The following MARCHF1 variants were observed in gnomAD, a reference collection of about 807,000 sequenced individuals.
MARCHF1 encodes the protein membrane associated ring-CH-type finger 1.
MARCHF1 carries 40 observed loss-of-function variants against 54.2 expected under a neutral mutation model. That is an observed-to-expected ratio of 0.74 (90% CI 0.57 to 0.96). The LOEUF is 0.96. Ranked by LOEUF, MARCHF1 falls within the 40% of genes least tolerant of loss-of-function variation. The pLI is 0.00. For missense variants in MARCHF1, 586 were observed against 656.5 expected (o/e 0.89, Z 1.17); for synonymous variants, 236 against 236.3 (o/e 1.00, Z 0.01).
intron 4 of MARCHF1, among the ~76,000 whole-genome samples, chr4:163,728,429 A>G (rs565352578): frequency 9.5e-4 from 144 of 152,304 alleles, no homozygotes; most frequent in Non-Finnish European, 1.6e-3. Flanking sequence ...GTTTTCTCAT[A>G]ATGAACATGG....
intron 1 of MARCHF1, among the ~76,000 whole-genome samples, chr4:164,273,056 T>A (rs1280616854): frequency 6.8e-6 from 1 of 147,988 alleles, no homozygotes; most frequent in African/African-American, 2.5e-5. Flanking sequence ...GTAAGATAAT[T>A]TTTTTTTTTT....
chr4:163,679,847 G>A (rs1467216864), intron 5 of MARCHF1, among the ~76,000 whole-genome samples: 9 of 151,914 alleles, frequency 5.9e-5, no homozygotes, highest in African/African-American at 9.7e-5. Flanking sequence ...TGATCCGCCC[G>A]CCTCGGCCTC....
At chr4:164,096,570 T>TA (rs70948698) in intron 2 of MARCHF1, among the ~76,000 whole-genome samples, 64 of 150,756 alleles carry the variant, frequency 4.2e-4, no homozygotes, top group African/African-American at 9.0e-4. Flanking sequence ...TATCTAAAAT[T>TA]AAAAAAAAAA....
chr4:164,238,649 T>C, intron 1 of MARCHF1, among the ~76,000 whole-genome samples: 1 of 151,278 alleles, frequency 6.6e-6, no homozygotes, highest in Non-Finnish European at 1.5e-5. Flanking sequence ...GTATAGTAGC[T>C]ATATTAACAT....
intron 5 of MARCHF1, among the ~76,000 whole-genome samples, chr4:163,679,708 G>C (rs1475790133): frequency 6.6e-6 from 1 of 151,918 alleles, no homozygotes; most frequent in Non-Finnish European, 1.5e-5. Context: ...CGCCTCCCGG[G>C]TTCACGCCAT....
chr4:163,910,205 T>C (rs974163696), intron 3 of MARCHF1, among the ~76,000 whole-genome samples: 4 of 152,234 alleles, frequency 2.6e-5, no homozygotes, highest in Admixed American at 2.6e-4. Flanking sequence ...TATACAAATA[T>C]ATAATACATA....
At chr4:163,622,291 G>C (rs542570789) in intron 5 of MARCHF1, among the ~76,000 whole-genome samples, 3 of 152,206 alleles carry the variant, frequency 2.0e-5, no homozygotes, top group South Asian at 4.1e-4. Flanking sequence ...CCAGCCAGGA[G>C]CACTGTAGCA....
chr4:164,227,302 A>G (rs1486023694), intron 1 of MARCHF1, among the ~76,000 whole-genome samples: 1 of 152,080 alleles, frequency 6.6e-6, no homozygotes, highest in African/African-American at 2.4e-5. Context: ...CATGAAGCCC[A>G]CTCATTATCA....
intron 5 of MARCHF1, among the ~76,000 whole-genome samples, chr4:163,645,257 C>T (rs2111048292): frequency 6.6e-6 from 1 of 152,312 alleles, no homozygotes; most frequent in South Asian, 2.1e-4. Context: ...GCTAACAGGT[C>T]TGCCAACAAC....
intron 4 of MARCHF1, among the ~76,000 whole-genome samples, chr4:163,844,615 G>A (rs982334639): frequency 6.6e-6 from 1 of 152,126 alleles, no homozygotes; most frequent in East Asian, 1.9e-4. Context: ...GAGTAGCCAG[G>A]TAAATTAATG....
rs542188400 is a variant in MARCHF1 at position 164,223,360 on chromosome 4, A to AAT, written c.-322-111700_-322-111699dup. Among the ~76,000 whole-genome samples, 1,333 of 151,802 alleles carry AAT rather than the reference A, an allele frequency of 8.8e-3. 9 individuals are homozygous for AAT. The highest frequency in any genetic ancestry group is 0.037 in the Middle Eastern group (11 of 294). On this transcript the variant is annotated intron_variant, in intron 1 of 9. Coordinates refer to ENST00000514618, the MANE Select transcript of MARCHF1 (RefSeq NM_001394959.1). ...GGGAGAAACTAGAAGCTGTCATGCA[A>AAT]ATATATATATATGGTGACAATTGTG...
At chr4:163,967,983 C>T (rs1453597190) in intron 3 of MARCHF1, among the ~76,000 whole-genome samples, 1 of 152,054 alleles carries the variant, frequency 6.6e-6, no homozygotes, top group African/African-American at 2.4e-5. Flanking sequence ...TTAATCTCAT[C>T]CAAAACCATC....
At chr4:163,933,123 CT>C in intron 3 of MARCHF1, 1 of 1,022,350 alleles carries the variant, frequency 9.8e-7, no homozygotes. Flanking sequence ...CATTGCAGAA[CT>C]TGATACACTG....
At chr4:164,337,777 T>C (rs1729793512) in intron 1 of MARCHF1, among the ~76,000 whole-genome samples, 1 of 152,074 alleles carries the variant, frequency 6.6e-6, no homozygotes, top group Non-Finnish European at 1.5e-5. Context: ...CTTAACTCTG[T>C]GGAATCAGGA....
intron 7 of MARCHF1, among the ~76,000 whole-genome samples, chr4:163,600,521 T>A (rs1740929162): frequency 6.6e-6 from 1 of 152,170 alleles, no homozygotes; most frequent in African/African-American, 2.4e-5. Context: ...GGAATGCTGA[T>A]TGGAACAAAG....
At chr4:163,610,988 C>A (rs989584095) in intron 7 of MARCHF1, among the ~76,000 whole-genome samples, 3 of 152,024 alleles carry the variant, frequency 2.0e-5, no homozygotes, top group African/African-American at 7.2e-5. Flanking sequence ...TGAGCCTTAG[C>A]CTGCTTGTCA....
chr4:164,301,181 A>T (rs1209569849), intron 1 of MARCHF1, among the ~76,000 whole-genome samples: 1 of 152,190 alleles, frequency 6.6e-6, no homozygotes, highest in East Asian at 1.9e-4. Flanking sequence ...TACCATGACT[A>T]TGTGAAAAAA....
rs1158812961 is a variant in MARCHF1, at chr4:164,226,743, C to T, written c.-322-115081G>A. Reference sequence around the variant, plus strand: ...AGATACATTGCAAACAGCCATGGCCCATTTCAAATGACTGTACATTCTTCC... The same window carrying T: ...AGATACATTGCAAACAGCCATGGCCTATTTCAAATGACTGTACATTCTTCC... On this transcript the variant is annotated intron_variant, in intron 1 of 9. Transcript: ENST00000514618. Among the ~76,000 whole-genome samples, 22 of 151,922 alleles carry T rather than the reference C, an allele frequency of 1.4e-4. No homozygotes were observed. In the Admixed American group the frequency reaches 1.4e-3, roughly 10 times the overall value.
chr4:163,824,315 G>T (rs1213926416), intron 4 of MARCHF1, among the ~76,000 whole-genome samples: 1 of 151,782 alleles, frequency 6.6e-6, no homozygotes, highest in Non-Finnish European at 1.5e-5. Context: ...GAACAGAACA[G>T]AGCCCTCAGA....
Sources: allele counts gnomAD v4.1 joint callset (sites outside exome capture counted in the v4.1 genomes callset), GRCh38; gene constraint gnomAD v4.1.1; transcripts MANE v1.5; gene names NCBI Gene and HGNC (gene_info 2026-07-23, HGNC 2026-07-21).